USP49: variants seen among roughly 807,000 people sequenced by gnomAD.
USP49 encodes ubiquitin carboxyl-terminal hydrolase 49.
USP49 carries 24 observed loss-of-function variants against 58.6 expected under a neutral mutation model. The ratio of observed to expected loss-of-function variants is 0.41; its 90% CI spans 0.30 to 0.58. The LOEUF (loss-of-function observed/expected upper bound fraction) is 0.58. Ranked by LOEUF, USP49 falls within the 20% of genes least tolerant of loss-of-function variation. The pLI is 0.30. For synonymous variants in USP49, 408 were observed against 365.1 expected (o/e 1.12, Z -1.34); for missense variants, 703 against 866.1 (o/e 0.81, Z 2.36).
chr6:41,803,297 TTTG>T lies in USP49; in HGVS notation c.1561+506_1561+508del, dbSNP rs140001289. On this transcript the variant is annotated intron_variant, in intron 5 of 7. Transcript: ENST00000682992. The surrounding 1 kb of genome is among the most constrained non-coding windows in gnomAD (Gnocchi z 4.1). ...AATCAACTCCTAGGTCTTTGTTTCA[TTTG>T]TTGTTGTTGTTGTTGTTGTTTGAAA... Among the ~76,000 whole-genome samples the T allele has an allele frequency of 0.38, 57,932 of 151,512 alleles. 11,967 individuals are homozygous for T. The highest frequency in any genetic ancestry group is 0.48 in the South Asian group (2,315 of 4,790).
At chr6:41,888,449 T>G (rs1774754997) in intron 2 of USP49, among the ~76,000 whole-genome samples, 1 of 152,040 alleles carries the variant, frequency 6.6e-6, no homozygotes, top group African/African-American at 2.4e-5. Context: ...AGTGCTGTTT[T>G]TTTGTTTGTT....
chr6:41,883,581 C>T (rs1220654856), intron 2 of USP49, among the ~76,000 whole-genome samples: 1 of 151,732 alleles, frequency 6.6e-6, no homozygotes, highest in East Asian at 1.9e-4. Context: ...CAAGATCATG[C>T]CACTGCATTC....
chr6:41,824,749 T>C (rs763892528), intron 3 of USP49, among the ~76,000 whole-genome samples: 5 of 151,974 alleles, frequency 3.3e-5, no homozygotes, highest in African/African-American at 9.7e-5. Flanking sequence ...AACAAGCCCA[T>C]AGCATCACAA....
chr6:41,871,669 C>T (rs1410394824), intron 2 of USP49, 32 bp from the exon 3 acceptor site: 2 of 151,872 alleles, frequency 1.3e-5, no homozygotes, highest in South Asian at 2.1e-4. Context: ...TAAGATTGGG[C>T]TAATACATGG....
chr6:41,840,361 A>G (rs1450341110), intron 3 of USP49, among the ~76,000 whole-genome samples: 8 of 151,210 alleles, frequency 5.3e-5, no homozygotes, highest in Non-Finnish European at 8.9e-5. Context: ...GCGACCGAGC[A>G]AAACTCCGTC....
At chr6:41,851,628 T>C (rs778632996) in intron 3 of USP49, among the ~76,000 whole-genome samples, 9 of 152,188 alleles carry the variant, frequency 5.9e-5, no homozygotes, top group Non-Finnish European at 1.2e-4. Flanking sequence ...TTGAAAGTTC[T>C]AGTCAGTGCA....
At chr6:41,809,686 C>A (rs952144351) in intron 3 of USP49, among the ~76,000 whole-genome samples, 3 of 150,798 alleles carry the variant, frequency 2.0e-5, no homozygotes, top group Non-Finnish European at 2.9e-5. Context: ...ATTAGCCAGG[C>A]GTGGTGGTGG....
chr6:41,847,591 G>A (rs1773945605), intron 3 of USP49, among the ~76,000 whole-genome samples: 1 of 152,118 alleles, frequency 6.6e-6, no homozygotes, highest in South Asian at 2.1e-4. Context: ...GTGAGCACCT[G>A]TAGTCCCAGC....
intron 3 of USP49, among the ~76,000 whole-genome samples, chr6:41,870,662 G>A (rs374897882): frequency 3.5e-4 from 52 of 147,610 alleles, no homozygotes; most frequent in Middle Eastern, 3.5e-3. Flanking sequence ...TTAGCCTCCC[G>A]AGTAGCTAGC....
intron 3 of USP49, among the ~76,000 whole-genome samples, chr6:41,810,319 A>T (rs1326379662): frequency 7.2e-6 from 1 of 139,818 alleles, no homozygotes; most frequent in Admixed American, 7.0e-5. Flanking sequence ...CGTCTCTACT[A>T]AAAAAAAAAA....
At chr6:41,796,867 A>C in intron 7 of USP49, 144 bp from the exon 8 acceptor site, 1 of 604,360 alleles carries the variant, frequency 1.7e-6, no homozygotes, top group South Asian at 2.0e-5. Flanking sequence ...GGACAGGTAA[A>C]TGAAACTGAC....
In USP49 at chr6:41,796,734, A is replaced by G. The variant is rs1275289990; in HGVS notation, c.1877-11T>C. On this transcript the variant is annotated splice_polypyrimidine_tract_variant and intron_variant, in intron 7 of 7. Coordinates refer to ENST00000682992, the MANE Select transcript of USP49 (RefSeq NM_001286554.2). ...AGTGGACCCAAAAACCTAGGAAACC[A>G]AAGGAGAAAAAGAGAGAAAATGACT... The G allele has an allele frequency of 1.4e-6, 1 of 713,796 alleles. No homozygotes were observed. Among genetic ancestry groups the G allele is most frequent in the Admixed American group, 2.0e-5 (1 of 48,816 alleles). 44.2% of individuals were successfully genotyped at this position (713,796 alleles called of 1,614,324 possible).
At chr6:41,838,803 T>C (rs1029493243) in intron 3 of USP49, among the ~76,000 whole-genome samples, 2 of 152,176 alleles carry the variant, frequency 1.3e-5, no homozygotes, top group East Asian at 1.9e-4. Flanking sequence ...ACATGGAACA[T>C]TCTCCAAGAT....
intron 3 of USP49, among the ~76,000 whole-genome samples, chr6:41,812,265 G>C (rs993094553): frequency 6.6e-6 from 1 of 151,680 alleles, no homozygotes; most frequent in African/African-American, 2.4e-5. Flanking sequence ...TTTTAGTAGA[G>C]ACGGGGTTTC....
chr6:41,811,373 AC>A (rs1192665114), intron 3 of USP49, among the ~76,000 whole-genome samples: 2 of 152,220 alleles, frequency 1.3e-5, no homozygotes, highest in Non-Finnish European at 2.9e-5. Flanking sequence ...AATTTTTATT[AC>A]AGTATATTGT....
intron 2 of USP49, among the ~76,000 whole-genome samples, chr6:41,875,268 A>G (rs1003671017): frequency 3.9e-5 from 6 of 152,070 alleles, no homozygotes; most frequent in Non-Finnish European, 5.9e-5. Flanking sequence ...TAAAAAGTGG[A>G]CCAAGAGAAT....
At chr6:41,864,603 G>A (rs1384132927) in intron 3 of USP49, among the ~76,000 whole-genome samples, 1 of 151,998 alleles carries the variant, frequency 6.6e-6, no homozygotes, top group Non-Finnish European at 1.5e-5. Context: ...CACCTTCAAT[G>A]AAGGGAAGGC....
chr6:41,831,880 C>T lies in USP49; in HGVS notation c.-28-24869G>A, dbSNP rs114988618. ...CCAAACAACCAGATGGACTGGTCTACTCACTATTTCTTCAGACGTCCCAAG... is the reference window on the plus strand; with the variant it reads ...CCAAACAACCAGATGGACTGGTCTATTCACTATTTCTTCAGACGTCCCAAG... On this transcript the variant is annotated intron_variant, in intron 3 of 7. Transcript: ENST00000682992. Among the ~76,000 whole-genome samples, 314 of 152,298 alleles carry T rather than the reference C, an allele frequency of 2.1e-3. 1 individual carries two copies. Among genetic ancestry groups the T allele is most frequent in the African/African-American group, 7.2e-3 (299 of 41,578 alleles).
intron 2 of USP49, among the ~76,000 whole-genome samples, chr6:41,882,457 C>G (rs1057202145): frequency 6.6e-6 from 1 of 152,156 alleles, no homozygotes; most frequent in Non-Finnish European, 1.5e-5. Context: ...CCAAAGATTG[C>G]TCCATATACA....
Sources: gnomAD v4.1 joint callset for allele counts (sites outside exome capture counted in the v4.1 genomes callset) on GRCh38, gnomAD v4.1.1 for gene constraint, Gnocchi (gnomAD v3.1) non-coding constraint, MANE v1.5 for transcripts, NCBI Gene and HGNC (gene_info 2026-07-23, HGNC 2026-07-21) for gene names.